WWOX: variants seen among roughly 807,000 people sequenced by gnomAD.
The protein encoded by WWOX is WW domain containing oxidoreductase, also known as WW domain-containing oxidoreductase.
Under a neutral mutation model 46.2 loss-of-function variants are expected in WWOX, and 69 were observed. The observed-to-expected ratio is 1.49, with a 90% CI of 1.23 to 1.82. WWOX has a LOEUF of 1.82. Ranked by LOEUF, WWOX falls within the 40% of genes most tolerant of loss-of-function variation. The pLI, the probability that WWOX is intolerant of heterozygous loss-of-function variation, is 0.00. For missense variants in WWOX, 919 were observed against 542.6 expected (o/e 1.69, Z -6.89); for synonymous variants, 359 against 202.6 (o/e 1.77, Z -6.56).
intron 8 of WWOX, among the ~76,000 whole-genome samples, chr16:78,674,176 T>G (rs1173616828): frequency 6.6e-6 from 1 of 152,162 alleles, no homozygotes; most frequent in Non-Finnish European, 1.5e-5. Flanking sequence ...ACTTATTGTT[T>G]TGGTTGGATG....
At chr16:78,785,000 C>G (rs896965670) in intron 8 of WWOX, among the ~76,000 whole-genome samples, 4 of 152,114 alleles carry the variant, frequency 2.6e-5, no homozygotes, top group African/African-American at 7.2e-5. Context: ...GAACATGAAA[C>G]CAGCTCGTAG....
At chr16:79,136,575 GA>G in intron 8 of WWOX, among the ~76,000 whole-genome samples, 2 of 152,222 alleles carry the variant, frequency 1.3e-5, no homozygotes, top group East Asian at 3.9e-4. Flanking sequence ...TGATTGGGAG[GA>G]AAAAGTGAAC....
intron 8 of WWOX, chr16:78,552,611 G>C (rs548971401): frequency 3.3e-5 from 5 of 152,272 alleles, no homozygotes; most frequent in South Asian, 2.1e-4. Flanking sequence ...GAGCTCATAC[G>C]GCATCCACGC....
At chr16:78,809,388 A>G (rs2051130688) in intron 8 of WWOX, among the ~76,000 whole-genome samples, 2 of 151,134 alleles carry the variant, frequency 1.3e-5, no homozygotes, top group Admixed American at 6.6e-5. Context: ...AAAACTTTTT[A>G]TTATATTTGA....
intron 5 of WWOX, among the ~76,000 whole-genome samples, chr16:78,356,048 T>A (rs1190844205): frequency 1.0e-5 from 1 of 95,298 alleles, no homozygotes; most frequent in Admixed American, 1.4e-4. Context: ...CCAATAAATA[T>A]GACCACCAAG....
In WWOX at chr16:78,507,418, G is replaced by C. The variant is rs2085237288; in HGVS notation, c.1056+74666G>C. On this transcript the variant is annotated intron_variant, in intron 8 of 8. Transcript: ENST00000566780. ...TGCTGAGAAGTGATAGAATATTCTA[G>C]TTTATATCTCAGTCATTTTACAGCT... Among the ~76,000 whole-genome samples, 5 of 152,154 alleles carry C rather than the reference G, an allele frequency of 3.3e-5. No homozygotes were observed. In the South Asian group the frequency reaches 1.0e-3, roughly 32 times the overall value.
chr16:79,052,264 T>A (rs1023650086), intron 8 of WWOX, among the ~76,000 whole-genome samples: 1 of 151,344 alleles, frequency 6.6e-6, no homozygotes, highest in Non-Finnish European at 1.5e-5. Flanking sequence ...TGTTCAGTTG[T>A]CACCTATGAG....
intron 5 of WWOX, among the ~76,000 whole-genome samples, chr16:78,321,317 TATATATATAC>T (rs2080466968): frequency 3.2e-5 from 3 of 92,500 alleles, no homozygotes; most frequent in South Asian, 3.3e-4. Context: ...TATATATGCG[TATATATATAC>T]GTATATATGC....
intron 8 of WWOX, among the ~76,000 whole-genome samples, chr16:78,670,696 G>A (rs549070385): frequency 1.3e-5 from 2 of 152,184 alleles, no homozygotes; most frequent in South Asian, 4.2e-4. Flanking sequence ...TTAAAAAACA[G>A]AGATAGAGTC....
chr16:78,518,506 T>A (rs1038078812), intron 8 of WWOX, among the ~76,000 whole-genome samples: 1 of 152,144 alleles, frequency 6.6e-6, no homozygotes, highest in African/African-American at 2.4e-5. Context: ...CAGACGTGAG[T>A]GACCACGCCT....
intron 8 of WWOX, among the ~76,000 whole-genome samples, chr16:78,499,601 C>T (rs199820235): frequency 2.8e-4 from 43 of 152,314 alleles, no homozygotes; most frequent in African/African-American, 4.1e-4. Flanking sequence ...GCCCCTTTGC[C>T]GGCTCTTAGT....
chr16:78,381,284 C>G (rs758218356), intron 5 of WWOX, among the ~76,000 whole-genome samples: 1 of 152,326 alleles, frequency 6.6e-6, no homozygotes, highest in South Asian at 2.1e-4. Flanking sequence ...CCCTTTGATT[C>G]CACACTTACA....
intron 8 of WWOX, among the ~76,000 whole-genome samples, chr16:78,705,985 CAGAT>C (rs967289507): frequency 1.3e-4 from 20 of 150,092 alleles, no homozygotes; most frequent in African/African-American, 3.9e-4. Context: ...AGCAGTGACT[CAGAT>C]AGGTGTGTAT....
intron 8 of WWOX, among the ~76,000 whole-genome samples, chr16:78,463,476 G>A (rs956457081): frequency 1.3e-5 from 2 of 152,110 alleles, no homozygotes; most frequent in African/African-American, 4.8e-5. Flanking sequence ...ATCCAGCATT[G>A]TCCAGTTGTG....
At chr16:78,574,960 C>T (rs1177147690) in intron 8 of WWOX, among the ~76,000 whole-genome samples, 1 of 119,404 alleles carries the variant, frequency 8.4e-6, no homozygotes, top group African/African-American at 3.0e-5. Context: ...CAAATCATTA[C>T]TTTATAGACC....
intron 5 of WWOX, among the ~76,000 whole-genome samples, chr16:78,323,830 C>A (rs1283386797): frequency 2.0e-5 from 3 of 152,114 alleles, no homozygotes; most frequent in African/African-American, 7.2e-5. Context: ...GCTTTTTGAG[C>A]CTAAAACTGG....
At chr16:78,579,801 A>G (rs1413974321) in intron 8 of WWOX, among the ~76,000 whole-genome samples, 3 of 152,222 alleles carry the variant, frequency 2.0e-5, no homozygotes, top group Admixed American at 6.5e-5. Flanking sequence ...TAAATCTCCT[A>G]CGGTGATACC....
chr16:78,827,418 G>C (rs1306284918), intron 8 of WWOX, among the ~76,000 whole-genome samples: 4 of 152,094 alleles, frequency 2.6e-5, no homozygotes, highest in African/African-American at 9.7e-5. Flanking sequence ...TGTGGCTCCA[G>C]GGTCAGGTGT....
intron 8 of WWOX, among the ~76,000 whole-genome samples, chr16:78,446,881 G>A (rs193074832): frequency 7.4e-4 from 113 of 152,086 alleles, no homozygotes; most frequent in Non-Finnish European, 1.5e-3. Flanking sequence ...GGCTGGACAT[G>A]AACTTCTGAC....
Sources: gnomAD v4.1 joint callset for allele counts (sites outside exome capture counted in the v4.1 genomes callset) on GRCh38, gnomAD v4.1.1 for gene constraint, MANE v1.5 for transcripts, NCBI Gene and HGNC (gene_info 2026-07-23, HGNC 2026-07-21) for gene names.